Variants in SNTG1 observed in about 807,000 individuals in gnomAD.
The protein encoded by SNTG1 is syntrophin gamma 1.
In SNTG1, 39 loss-of-function variants were observed where a neutral mutation model predicts 74.7. The ratio of observed to expected loss-of-function variants is 0.52; its 90% confidence interval spans 0.40 to 0.68. The LOEUF is 0.68. Among genes scored for constraint, SNTG1 ranks in the 30% least tolerant of loss-of-function variants. The probability of loss-of-function intolerance (pLI) is 0.00; values close to 1 mark genes in which losing one functional copy is unlikely to be tolerated. For synonymous variants in SNTG1, 254 were observed against 217.1 expected, an observed-to-expected ratio of 1.17 and a Z score of -1.49; for missense variants, 685 against 609.5, an observed-to-expected ratio of 1.12 and a Z score of -1.30.
chr8:50,401,668 T>A (rs1204994363), intron 3 of SNTG1, among the ~76,000 whole-genome samples: 1 of 152,006 alleles, frequency 6.6e-6, no homozygotes, highest in East Asian at 1.9e-4. Context: ...TGTTTGTTGG[T>A]GACTAGGAAT....
Position 50,179,824 on chromosome 8 carries a change from G to T in SNTG1, c.-28+7189G>T, listed in dbSNP as rs372706688. Among the ~76,000 whole-genome samples, 9 of 152,270 alleles carry T rather than the reference G, an allele frequency of 5.9e-5. 1 individual carries two copies. Among genetic ancestry groups the T allele is most frequent in the African/African-American group, 2.2e-4 (9 of 41,580 alleles). ...GGAGGGAAGGAAACCCTTGTGCACT[G>T]CTGCTGAGAATGTAAATTGGAACAG... is the stretch of plus-strand genomic sequence containing the variant. On this transcript the variant is annotated intron_variant, in intron 2 of 18. Transcript: ENST00000642720.
intron 13 of SNTG1, 128 bp from the exon 14 acceptor site, chr8:50,656,781 T>C (rs924557528): frequency 1.6e-6 from 1 of 626,150 alleles, no homozygotes; most frequent in Non-Finnish European, 2.7e-6. Context: ...TTGATAATTT[T>C]ATGTGAGTTT....
intron 13 of SNTG1, among the ~76,000 whole-genome samples, chr8:50,619,998 A>T (rs2094911357): frequency 6.6e-6 from 1 of 151,988 alleles, no homozygotes; most frequent in Non-Finnish European, 1.5e-5. Flanking sequence ...TAAACAGCAC[A>T]GATTTCTCAC....
intron 9 of SNTG1, among the ~76,000 whole-genome samples, chr8:50,529,141 A>G (rs976604748): frequency 2.6e-5 from 4 of 151,992 alleles, no homozygotes; most frequent in African/African-American, 4.8e-5. Flanking sequence ...AATAATAAGT[A>G]TATACATTTG....
At chr8:50,179,451 TA>T (rs999060196) in intron 2 of SNTG1, among the ~76,000 whole-genome samples, 17 of 152,148 alleles carry the variant, frequency 1.1e-4, no homozygotes, top group African/African-American at 3.6e-4. Context: ...GTTATTAAAC[TA>T]AAAAACATTT....
intron 4 of SNTG1, among the ~76,000 whole-genome samples, chr8:50,415,099 G>A (rs184021806): frequency 4.4e-4 from 67 of 152,174 alleles, no homozygotes; most frequent in African/African-American, 1.5e-3. Context: ...ATCTTTCTGT[G>A]TAAAATTAGA....
At chr8:50,081,788 C>G (rs184471530) in intron 1 of SNTG1, among the ~76,000 whole-genome samples, 1 of 152,184 alleles carries the variant, frequency 6.6e-6, no homozygotes, top group Non-Finnish European at 1.5e-5. Flanking sequence ...CTCATGCCAC[C>G]ACATCCGACT....
chr8:50,195,390 C>T (rs924070768), intron 2 of SNTG1, among the ~76,000 whole-genome samples: 3 of 152,070 alleles, frequency 2.0e-5, no homozygotes, highest in Non-Finnish European at 4.4e-5. Context: ...AAGAAAAGGG[C>T]TTGGTTCTTC....
intron 2 of SNTG1, among the ~76,000 whole-genome samples, chr8:50,351,677 A>T (rs2091666173): frequency 6.6e-6 from 1 of 152,212 alleles, no homozygotes; most frequent in Admixed American, 6.5e-5. Context: ...AAACTGCATT[A>T]CAATTTTAAA....
At chr8:49,965,129 T>G (rs548840901) in intron 1 of SNTG1, among the ~76,000 whole-genome samples, 1 of 152,294 alleles carries the variant, frequency 6.6e-6, no homozygotes, top group South Asian at 2.1e-4. Context: ...ACTCGTCTAT[T>G]AAATTGGCAT....
chr8:49,975,163 A>C (rs1017328050), intron 1 of SNTG1, among the ~76,000 whole-genome samples: 1 of 152,222 alleles, frequency 6.6e-6, no homozygotes, highest in Non-Finnish European at 1.5e-5. Flanking sequence ...TTGGCGGAAT[A>C]AAATTAAAAG....
chr8:50,601,943 A>C (rs968911637), intron 13 of SNTG1, among the ~76,000 whole-genome samples: 2 of 151,834 alleles, frequency 1.3e-5, no homozygotes, highest in Non-Finnish European at 2.9e-5. Flanking sequence ...TACTTCTGCT[A>C]TTTTTTGTTT....
At chr8:50,107,560 GTTTTTTTGT>G (rs1485319888) in intron 1 of SNTG1, among the ~76,000 whole-genome samples, 1 of 143,062 alleles carries the variant, frequency 7.0e-6, no homozygotes, top group Non-Finnish European at 1.6e-5. Context: ...AAGGTTTTTT[GTTTTTTTGT>G]TTTTTTTGTT....
At chr8:50,285,494 T>A (rs796410120) in intron 2 of SNTG1, among the ~76,000 whole-genome samples, 3 of 152,242 alleles carry the variant, frequency 2.0e-5, no homozygotes, top group African/African-American at 7.2e-5. Flanking sequence ...GAGCAACTCC[T>A]TTGTAGGAAA....
intron 2 of SNTG1, among the ~76,000 whole-genome samples, chr8:50,264,642 A>G (rs2087370920): frequency 6.6e-6 from 1 of 151,738 alleles, no homozygotes. Flanking sequence ...CAGAATAAGG[A>G]AATAATAAAA....
chr8:50,600,951 T>C (rs904545372), intron 13 of SNTG1, among the ~76,000 whole-genome samples: 1 of 151,498 alleles, frequency 6.6e-6, no homozygotes, highest in Non-Finnish European at 1.5e-5. Context: ...GGGCAGATTA[T>C]GAGGTCAAGA....
intron 1 of SNTG1, among the ~76,000 whole-genome samples, chr8:50,130,476 A>G (rs1172095374): frequency 6.6e-6 from 1 of 152,144 alleles, no homozygotes; most frequent in Non-Finnish European, 1.5e-5. Flanking sequence ...AAAAGTGTTT[A>G]AGTAGTCAGA....
At chr8:50,108,477 A>C (rs1169728471) in intron 1 of SNTG1, among the ~76,000 whole-genome samples, 1 of 152,198 alleles carries the variant, frequency 6.6e-6, no homozygotes, top group Non-Finnish European at 1.5e-5. Flanking sequence ...TTGAGAGTGA[A>C]GAAGGTGGTA....
intron 1 of SNTG1, among the ~76,000 whole-genome samples, chr8:49,989,178 C>G (rs1283612458): frequency 6.6e-6 from 1 of 151,806 alleles, no homozygotes. Flanking sequence ...TCTCTGAAAT[C>G]ATTTTCTAAA....
Sources: gnomAD v4.1 joint callset for allele counts (sites outside exome capture counted in the v4.1 genomes callset) on GRCh38, gnomAD v4.1.1 for gene constraint, MANE v1.5 for transcripts, NCBI Gene and HGNC (gene_info 2026-07-23, HGNC 2026-07-21) for gene names.